The following GSE1 variants were observed in gnomAD, a reference collection of about 807,000 sequenced individuals.
GSE1 encodes the protein Gse1 coiled-coil protein.
A neutral mutation model predicts 112.6 loss-of-function variants in GSE1; 32 were observed. The observed-to-expected ratio is 0.28, with a 90% CI of 0.21 to 0.38. The LOEUF is 0.38. Among genes scored for constraint, GSE1 ranks in the 10% least tolerant of loss-of-function variants. The pLI is 1.00. For missense variants in GSE1, 2,348 were observed against 1,699.2 expected (o/e 1.38, Z -6.71); for synonymous variants, 1,115 against 735.6 (o/e 1.52, Z -8.35).
At chr16:85,575,326 G>A (rs1247186380) in intron 1 of GSE1, among the ~76,000 whole-genome samples, 1 of 152,152 alleles carries the variant, frequency 6.6e-6, no homozygotes, top group Non-Finnish European at 1.5e-5. Context: ...GGGGAGTTCT[G>A]GCGGAATCTA....
chr16:85,634,153 GC>G, intron 2 of GSE1, 21 bp downstream of exon 2: 1 of 1,403,790 alleles, frequency 7.1e-7, no homozygotes, highest in Admixed American at 3.3e-5. Flanking sequence ...CCGCCAGGCT[GC>G]GCGTGGGGGG....
intron 1 of GSE1, among the ~76,000 whole-genome samples, chr16:85,242,296 G>A (rs1364681145): frequency 1.3e-5 from 2 of 152,118 alleles, no homozygotes; most frequent in Non-Finnish European, 2.9e-5. Flanking sequence ...TCTGCCAGAG[G>A]CTCAGCAGCC....
At position 85,661,582 on chromosome 16, in the gene GSE1, C is replaced by G; in HGVS notation, c.2077C>G (p.Leu693Val). ...QTILGQQRAS[L>V]PQAATFGELS... The stretch of plus-strand genomic sequence containing the variant: ...CATCCTGGGCCAGCAGCGGGCCTCC[C>G]TCCCACAGGCGGCCACCTTCGGGGA... Residue 693 changes from leucine (L) to valine (V), a missense_variant, in exon 9 of 16, where the codon CTC becomes GTC. Physicochemically the swap from Leu to Val is conservative, Grantham distance 32. Coordinates refer to ENST00000253458, the MANE Select transcript of GSE1 (RefSeq NM_014615.5). The G allele has an allele frequency of 6.2e-7, 1 of 1,610,412 alleles. No individual in the cohort carries two copies. Among genetic ancestry groups the G allele is most frequent in the Non-Finnish European group, 8.5e-7 (1 of 1,179,052 alleles).
intron 1 of GSE1, among the ~76,000 whole-genome samples, chr16:85,632,842 G>A (rs964462195): frequency 6.6e-6 from 1 of 152,212 alleles, no homozygotes; most frequent in Non-Finnish European, 1.5e-5. Flanking sequence ...ATGTAGGGGT[G>A]GGGGCGTCTC....
chr16:85,479,267 C>T (rs1435366467), intron 2 of GSE1, among the ~76,000 whole-genome samples: 1 of 147,186 alleles, frequency 6.8e-6, no homozygotes. Context: ...CTCCTGACCC[C>T]GTGATCCACC....
chr16:85,519,747 CATCACCATCACCACCAT>C (rs1359143061), intron 2 of GSE1, among the ~76,000 whole-genome samples: 1 of 77,256 alleles, frequency 1.3e-5, no homozygotes, highest in Non-Finnish European at 2.7e-5. Context: ...CCACCATCAG[CATCACCATCACCACCAT>C]ATCACCACCG....
intron 1 of GSE1, among the ~76,000 whole-genome samples, chr16:85,274,013 G>T (rs1328874375): frequency 6.6e-6 from 1 of 151,278 alleles, no homozygotes; most frequent in Non-Finnish European, 1.5e-5. Context: ...TCTTTTTGGG[G>T]TGATGAAAAA....
Position 85,549,843 on chromosome 16 carries a change from T to C in GSE1, c.2465-84071T>C, listed in dbSNP as rs1006179272. 5.9e-5 allele frequency among the ~76,000 whole-genome samples: 9 copies of C among 152,258 alleles called. 1 individual carries two copies. The highest frequency in any genetic ancestry group is 1.3e-4 in the Admixed American group (2 of 15,306). On this transcript the variant is annotated intron_variant, in intron 2 of 2. Coordinates refer to the GSE1 transcript ENST00000637419. ...GACTTCACTTCTCTGGGCCTCAGCATCTTCATGCACAAAAGTGGGTGATGG... is the reference window on the plus strand; with the variant it reads ...GACTTCACTTCTCTGGGCCTCAGCACCTTCATGCACAAAAGTGGGTGATGG...
chr16:85,599,414 G>C (rs1436388411), intron 1 of GSE1, among the ~76,000 whole-genome samples: 1 of 152,228 alleles, frequency 6.6e-6, no homozygotes, highest in African/African-American at 2.4e-5. Context: ...CTGATTCCTG[G>C]GCTCCGCCCT....
chr16:85,170,035 T>C, exon 1 of GSE1: 1 of 984,468 alleles, frequency 1.0e-6, no homozygotes, highest in Non-Finnish European at 1.2e-6. Context: ...GACGCGAGAC[T>C]CCGACCTGTC....
intron 1 of GSE1, among the ~76,000 whole-genome samples, chr16:85,557,304 G>A (rs1339211478): frequency 1.3e-5 from 2 of 152,152 alleles, no homozygotes; most frequent in Non-Finnish European, 2.9e-5. Flanking sequence ...TGTGCTGCGT[G>A]TGACTGCTGG....
In GSE1 at chr16:85,556,143, C is replaced by CGG. The variant is rs60654672; in HGVS notation, c.-176_-175dup. 4.1e-3 allele frequency: 3,492 copies of CGG among 857,906 alleles called. 6 individuals are homozygous for CGG. Among genetic ancestry groups the CGG allele is most frequent in the Non-Finnish European group, 4.6e-3 (3,287 of 719,304 alleles). The allele number at this position is 857,906 out of a possible 1,614,324, so 53.1% of individuals were successfully genotyped here. A position where few individuals can be genotyped will look rare whatever the true frequency, so the allele number is the denominator to read the frequency against. Reference sequence around the variant, plus strand: ...AGAGCCTTTTGATCATCTTGCGGGGCGGGGGGGGGAAAGACTGATTTTTTT... The same window carrying CGG: ...AGAGCCTTTTGATCATCTTGCGGGGCGGGGGGGGGGGAAAGACTGATTTTTTT... On this transcript the variant is annotated 5_prime_UTR_variant, in exon 1 of 3. Transcript: ENST00000635906.
At chr16:85,437,158 C>G (rs1251456319) in intron 2 of GSE1, among the ~76,000 whole-genome samples, 1 of 152,104 alleles carries the variant, frequency 6.6e-6, no homozygotes, top group Non-Finnish European at 1.5e-5. Flanking sequence ...TCCCCACAGT[C>G]CCCCAACCCT....
chr16:85,635,676 A>G (rs1242201007), intron 2 of GSE1, among the ~76,000 whole-genome samples: 2 of 152,158 alleles, frequency 1.3e-5, no homozygotes, highest in East Asian at 1.9e-4. Flanking sequence ...CAGGAGAACC[A>G]GGGCTGGTGA....
At chr16:85,656,771 C>A in intron 7 of GSE1, 106 bp downstream of exon 7, 1 of 1,401,550 alleles carries the variant, frequency 7.1e-7, no homozygotes, top group Non-Finnish European at 9.4e-7. Flanking sequence ...TGTTCCCCAG[C>A]TGAGTTCGCC....
chr16:85,448,714 G>A (rs1254205171), intron 2 of GSE1, among the ~76,000 whole-genome samples: 4 of 152,212 alleles, frequency 2.6e-5, no homozygotes, highest in African/African-American at 4.8e-5. Context: ...GGCACCACTG[G>A]CAGCCCGCCC....
chr16:85,297,923 C>T lies in GSE1; in HGVS notation c.2284-59540C>T, dbSNP rs192956816. Reference sequence around the variant, plus strand: ...GTGCCGTGGAACTTGATTTTAGTCCCTGCGTTCCATATGCAGAAATGTGGG... The same window carrying T: ...GTGCCGTGGAACTTGATTTTAGTCCTTGCGTTCCATATGCAGAAATGTGGG... On this transcript the variant is annotated intron_variant, in intron 1 of 2. Coordinates refer to the GSE1 transcript ENST00000637419. 1.7e-4 allele frequency among the ~76,000 whole-genome samples: 26 copies of T among 152,288 alleles called. No homozygotes were observed. The East Asian group carries it at 4.8e-3, about 28-fold the overall frequency.
At chr16:85,186,200 G>C (rs1239566999) in intron 1 of GSE1, among the ~76,000 whole-genome samples, 6 of 152,228 alleles carry the variant, frequency 3.9e-5, no homozygotes, top group Non-Finnish European at 8.8e-5. Flanking sequence ...GTTGGGTACA[G>C]TGGCTCACGT....
At chr16:85,483,734 G>T (rs887244824) in intron 2 of GSE1, among the ~76,000 whole-genome samples, 1 of 152,266 alleles carries the variant, frequency 6.6e-6, no homozygotes, top group Non-Finnish European at 1.5e-5. Flanking sequence ...GCCCGTCCCC[G>T]TGTAAACCTA....
Sources: gnomAD v4.1 joint callset for allele counts (sites outside exome capture counted in the v4.1 genomes callset) on GRCh38, gnomAD v4.1.1 for gene constraint, MANE v1.5 for transcripts, NCBI Gene and HGNC (gene_info 2026-07-23, HGNC 2026-07-21) for gene names.